NF2: variants seen among roughly 807,000 people sequenced by gnomAD.
NF2 encodes the protein NF2, moesin-ezrin-radixin like (MERLIN) tumor suppressor.
Under a neutral mutation model 83.7 loss-of-function variants are expected in NF2, and 8 were observed. The ratio of observed to expected loss-of-function variants is 0.10; its 90% CI spans 0.06 to 0.17. The LOEUF is 0.17. Among genes scored for constraint, NF2 ranks in the 10% least tolerant of loss-of-function variants. The probability of loss-of-function intolerance (pLI) is 1.00; values close to 1 mark genes in which losing one functional copy is unlikely to be tolerated. For synonymous variants in NF2, 266 were observed against 269.6 expected, an observed-to-expected ratio of 0.99 and a Z score of 0.13; for missense variants, 533 against 744.4, an observed-to-expected ratio of 0.72 and a Z score of 3.31.
Position 29,694,845 on chromosome 22 carries a change from C to T in NF2, c.*43C>T, listed in dbSNP as rs773299250. On this transcript the variant is annotated 3_prime_UTR_variant, in exon 16 of 16. Coordinates refer to ENST00000338641, the MANE Select transcript of NF2 (RefSeq NM_000268.4). This position sits in a 1 kb window ranked among gnomAD's most constrained non-coding sequence, Gnocchi z 4.1. ...CCAGGACCTGCCACTTCTCCTGCTA[C>T]CGGGACCGCGGGATGGACCAGATAT... The T allele has an allele frequency of 6.3e-7, 1 of 1,598,220 alleles. No homozygotes were observed. Among genetic ancestry groups the T allele is most frequent in the Non-Finnish European group, 8.6e-7 (1 of 1,169,362 alleles).
intron 1 of NF2, among the ~76,000 whole-genome samples, chr22:29,635,183 C>T (rs763790097): frequency 1.3e-5 from 2 of 152,130 alleles, no homozygotes; most frequent in Non-Finnish European, 2.9e-5. Context: ...TTGTAGAGAA[C>T]CCACTGTTCA....
chr22:29,666,887 G>A (rs2066639800), intron 9 of NF2, among the ~76,000 whole-genome samples: 1 of 151,924 alleles, frequency 6.6e-6, no homozygotes, highest in South Asian at 2.1e-4. Flanking sequence ...TGAGGCAGGA[G>A]ATCGCTTGAA....
intron 14 of NF2, among the ~76,000 whole-genome samples, chr22:29,679,429 A>ACATT (rs2067063078): frequency 6.6e-6 from 1 of 152,192 alleles, no homozygotes; most frequent in African/African-American, 2.4e-5. Context: ...TTATCCAGAC[A>ACATT]TATACATTTA....
At chr22:29,682,956 T>C (rs759839281) in intron 15 of NF2, 4 of 1,596,064 alleles carry the variant, frequency 2.5e-6, no homozygotes, top group Non-Finnish European at 3.4e-6. Context: ...CAGATGGCAC[T>C]TATGGCATTG....
At chr22:29,634,177 C>T (rs1255390157) in intron 1 of NF2, among the ~76,000 whole-genome samples, 1 of 152,142 alleles carries the variant, frequency 6.6e-6, no homozygotes, top group East Asian at 1.9e-4. Context: ...GACTCAGTTT[C>T]CTTATTTGCA....
chr22:29,655,687 T>C lies in NF2; in HGVS notation c.599+11T>C. 6.2e-7 allele frequency: 1 copy of C among 1,609,790 alleles called. No homozygotes were observed. Among genetic ancestry groups the C allele is most frequent in the Non-Finnish European group, 8.5e-7 (1 of 1,176,618 alleles). On this transcript the variant is annotated intron_variant, in intron 6 of 15. Coordinates refer to ENST00000338641, the MANE Select transcript of NF2 (RefSeq NM_000268.4). The stretch of plus-strand genomic sequence containing the variant: ...CCGAGGCCGAGCCAGGTGAGGCCCA[T>C]TCATTGTTGGTTTACATTCCTTTAT...
intron 1 of NF2, among the ~76,000 whole-genome samples, chr22:29,606,722 TG>T (rs1441871390): frequency 3.3e-5 from 5 of 152,122 alleles, no homozygotes; most frequent in African/African-American, 7.2e-5. Flanking sequence ...ATAAGACAGC[TG>T]GAAGAAGCCA....
At chr22:29,672,083 T>C in intron 11 of NF2, 135 bp downstream of exon 11, 2 of 1,332,362 alleles carry the variant, frequency 1.5e-6, no homozygotes, top group Non-Finnish European at 2.1e-6. Flanking sequence ...AAAAAATCAG[T>C]GCCTTTTCTT....
intron 1 of NF2, among the ~76,000 whole-genome samples, chr22:29,625,908 T>C (rs540589489): frequency 3.3e-5 from 5 of 152,348 alleles, no homozygotes; most frequent in Admixed American, 2.0e-4. Flanking sequence ...TTATGTTGCT[T>C]ATAGCTTTTC....
At chr22:29,609,410 G>A in intron 1 of NF2, 1 of 524,232 alleles carries the variant, frequency 1.9e-6, no homozygotes, top group Non-Finnish European at 3.7e-6. Context: ...GTGTCTGGCA[G>A]TGCTATGGTG....
intron 13 of NF2, among the ~76,000 whole-genome samples, chr22:29,677,816 T>C (rs1249223374): frequency 6.6e-6 from 1 of 152,228 alleles, no homozygotes; most frequent in Non-Finnish European, 1.5e-5. Flanking sequence ...AACACATCTA[T>C]TTCCTGAACA....
chr22:29,626,153 CT>C (rs34704204), intron 1 of NF2, among the ~76,000 whole-genome samples: 8,707 of 128,136 alleles, frequency 0.068, 170 homozygotes, highest in African/African-American at 0.078. Context: ...CATCTGCAGA[CT>C]TTTTTTTTTT....
chr22:29,668,788 C>T (rs1355504664), intron 10 of NF2, among the ~76,000 whole-genome samples: 2 of 152,218 alleles, frequency 1.3e-5, no homozygotes, highest in Non-Finnish European at 2.9e-5. Flanking sequence ...CTGTCTGCCT[C>T]CTTGTGCAGC....
intron 9 of NF2, among the ~76,000 whole-genome samples, chr22:29,666,430 C>T (rs1422515661): frequency 6.6e-6 from 1 of 152,042 alleles, no homozygotes; most frequent in Non-Finnish European, 1.5e-5. Flanking sequence ...TGAGCCACTG[C>T]ACCCAGCCAC....
At chr22:29,607,677 G>C (rs1489628250) in intron 1 of NF2, among the ~76,000 whole-genome samples, 2 of 152,122 alleles carry the variant, frequency 1.3e-5, no homozygotes, top group Non-Finnish European at 2.9e-5. Context: ...GCAACTGCCT[G>C]TGAGACAAGG....
intron 1 of NF2, among the ~76,000 whole-genome samples, chr22:29,634,479 C>T (rs1001086180): frequency 2.0e-5 from 3 of 152,190 alleles, no homozygotes; most frequent in African/African-American, 7.2e-5. Context: ...GAAATTCACT[C>T]ATCATTCCCT....
intron 1 of NF2, among the ~76,000 whole-genome samples, chr22:29,629,186 G>A (rs995236261): frequency 2.0e-5 from 3 of 152,118 alleles, no homozygotes; most frequent in Non-Finnish European, 2.9e-5. Context: ...ATGGTTTTGC[G>A]GTTTAATCAT....
chr22:29,642,094 C>A, intron 3 of NF2, 108 bp from the exon 4 acceptor site: 1 of 872,294 alleles, frequency 1.1e-6, no homozygotes, highest in Non-Finnish European at 1.9e-6. Flanking sequence ...TATTAACAGG[C>A]TGCTCTGGCA....
rs764628497 is a variant in NF2 at position 29,658,300 on chromosome 22, G to A, written c.675+36G>A. On this transcript the variant is annotated intron_variant, in intron 7 of 15. Coordinates refer to ENST00000338641, the MANE Select transcript of NF2 (RefSeq NM_000268.4). ...ACCTCTCTGAGCTCCTTGTGTAGTA[G>A]ACAGAGACTGAGTGAGGGCCAGACT... 22 of 1,572,992 alleles carry A rather than the reference G, an allele frequency of 1.4e-5. No individual in the cohort carries two copies. In the South Asian group the frequency reaches 1.4e-4, roughly 10 times the overall value.
Sources: allele counts gnomAD v4.1 joint callset (sites outside exome capture counted in the v4.1 genomes callset), GRCh38; gene constraint gnomAD v4.1.1; non-coding constraint Gnocchi (gnomAD v3.1); transcripts MANE v1.5; gene names NCBI Gene and HGNC (gene_info 2026-07-23, HGNC 2026-07-21).